Variants in ETV1 observed in about 807,000 individuals in gnomAD.
ETV1 encodes the protein ETS translocation variant 1.
A neutral mutation model predicts 62.3 loss-of-function variants in ETV1; 27 were observed. The observed-to-expected ratio is 0.43, with a 90% confidence interval of 0.32 to 0.60. ETV1 has a LOEUF of 0.60. Ranked by LOEUF, ETV1 falls within the 20% of genes least tolerant of loss-of-function variation. ETV1 has a pLI of 0.06. For synonymous variants in ETV1, 222 were observed against 199.6 expected (o/e 1.11, Z -0.94); for missense variants, 605 against 605.8 (o/e 1.00, Z 0.01).
chr7:13,933,340 C>T (rs1226276236), intron 8 of ETV1, among the ~76,000 whole-genome samples: 1 of 152,158 alleles, frequency 6.6e-6, no homozygotes, highest in Non-Finnish European at 1.5e-5. Context: ...TCTTAGGAGC[C>T]ACTGACCAAT....
At chr7:13,984,099 A>G (rs1258548766) in intron 5 of ETV1, among the ~76,000 whole-genome samples, 4 of 151,978 alleles carry the variant, frequency 2.6e-5, no homozygotes, top group African/African-American at 9.7e-5. Context: ...CAATTATCAT[A>G]TGACATATGA....
intron 6 of ETV1, among the ~76,000 whole-genome samples, chr7:13,967,486 G>T (rs1348137637): frequency 6.6e-6 from 1 of 152,052 alleles, no homozygotes; most frequent in Non-Finnish European, 1.5e-5. Context: ...AGCCATTCCT[G>T]ATATATTGCC....
In ETV1 at chr7:13,925,716, C is replaced by T. The variant is rs552859122; in HGVS notation, c.802+5786G>A. On this transcript the variant is annotated intron_variant, in intron 9 of 13. Coordinates refer to ENST00000430479, the MANE Select transcript of ETV1 (RefSeq NM_004956.5). ...GAGTAGCTGGGACTACAGGGACCCG[C>T]CACTGCGCCCGGCTAATTTTTTGTA... Among the ~76,000 whole-genome samples, 124 of 150,024 alleles carry T rather than the reference C, an allele frequency of 8.3e-4. 3 individuals carry two copies. In the South Asian group the frequency reaches 0.026, roughly 32 times the overall value.
chr7:13,984,045 T>C (rs1782271683), intron 5 of ETV1, among the ~76,000 whole-genome samples: 1 of 151,874 alleles, frequency 6.6e-6, no homozygotes, highest in Non-Finnish European at 1.5e-5. Flanking sequence ...TGCTAAGATA[T>C]CATTTCACAA....
chr7:13,967,197 A>G (rs1314786762), intron 6 of ETV1, among the ~76,000 whole-genome samples: 1 of 152,144 alleles, frequency 6.6e-6, no homozygotes, highest in Admixed American at 6.5e-5. Context: ...CTGCTACAAT[A>G]AAAGATAATT....
intron 9 of ETV1, among the ~76,000 whole-genome samples, chr7:13,916,015 TG>T (rs879256757): frequency 0.022 from 3,299 of 150,802 alleles, 69 homozygotes; most frequent in Middle Eastern, 0.07. Flanking sequence ...CTGAACTGGA[TG>T]CGAATGTAAC....
intron 9 of ETV1, among the ~76,000 whole-genome samples, chr7:13,918,002 A>G (rs1056625296): frequency 1.3e-5 from 2 of 152,056 alleles, no homozygotes; most frequent in Non-Finnish European, 2.9e-5. Flanking sequence ...ATGATACAGG[A>G]TGCCATTAGC....
chr7:13,990,365 A>G (rs1226123692), upstream of ETV1: 1 of 152,270 alleles, frequency 6.6e-6, no homozygotes, highest in Non-Finnish European at 1.5e-5. Flanking sequence ...ATGGGAGGAC[A>G]ACAGAGCAAG....
intron 9 of ETV1, among the ~76,000 whole-genome samples, chr7:13,917,754 G>A (rs1784347721): frequency 1.3e-5 from 2 of 152,050 alleles, no homozygotes; most frequent in Non-Finnish European, 2.9e-5. Flanking sequence ...CATGAGGTCA[G>A]GAGATCGAGA....
chr7:13,919,108 C>A (rs1231095136), intron 9 of ETV1, among the ~76,000 whole-genome samples: 3 of 152,074 alleles, frequency 2.0e-5, no homozygotes, highest in Non-Finnish European at 4.4e-5. Flanking sequence ...GCCTGCACCC[C>A]TATTATGTGC....
intron 11 of ETV1, among the ~76,000 whole-genome samples, chr7:13,907,634 G>A (rs1046514138): frequency 6.6e-6 from 1 of 152,054 alleles, no homozygotes; most frequent in Non-Finnish European, 1.5e-5. Context: ...GCTCACATTG[G>A]GGATTGAGTG....
intron 6 of ETV1, among the ~76,000 whole-genome samples, chr7:13,975,562 C>CAAAAAAAAAA (rs765452116): frequency 4.9e-5 from 2 of 41,036 alleles, no homozygotes; most frequent in African/African-American, 8.8e-5. Flanking sequence ...GACTCTGTCT[C>CAAAAAAAAAA]AAAAAAAAAA....
intron 6 of ETV1, among the ~76,000 whole-genome samples, chr7:13,948,572 T>A (rs985763378): frequency 1.3e-5 from 2 of 152,204 alleles, no homozygotes; most frequent in African/African-American, 2.4e-5. Flanking sequence ...CACCTGTTTT[T>A]GTAAATGAAG....
At chr7:13,922,499 C>G (rs1396151337) in intron 9 of ETV1, among the ~76,000 whole-genome samples, 1 of 152,158 alleles carries the variant, frequency 6.6e-6, no homozygotes, top group Non-Finnish European at 1.5e-5. Context: ...GTAATCCCAA[C>G]TACAGTGAGG....
At chr7:13,963,124 C>G (rs1790384315) in intron 6 of ETV1, among the ~76,000 whole-genome samples, 1 of 152,084 alleles carries the variant, frequency 6.6e-6, no homozygotes, top group Non-Finnish European at 1.5e-5. Context: ...CCCAAGGTAA[C>G]TGTGAGAATC....
At chr7:13,936,937 G>T (rs895118106) in intron 7 of ETV1, among the ~76,000 whole-genome samples, 10 of 152,054 alleles carry the variant, frequency 6.6e-5, no homozygotes, top group Non-Finnish European at 7.4e-5. Flanking sequence ...AGATATTCAC[G>T]AGACTGAGGT....
At chr7:13,984,331 A>T (rs1045761640) in intron 5 of ETV1, among the ~76,000 whole-genome samples, 1 of 152,056 alleles carries the variant, frequency 6.6e-6, no homozygotes, top group Non-Finnish European at 1.5e-5. Flanking sequence ...TAATTTCTGG[A>T]TGTCCAGAAA....
intron 5 of ETV1, among the ~76,000 whole-genome samples, chr7:13,983,605 T>C (rs1024142893): frequency 7.2e-6 from 1 of 139,680 alleles, no homozygotes; most frequent in Non-Finnish European, 1.5e-5. Context: ...CATTTTAAAA[T>C]TGGCATATTC....
chr7:13,924,977 A>G (rs949310863), intron 9 of ETV1, among the ~76,000 whole-genome samples: 2 of 152,230 alleles, frequency 1.3e-5, no homozygotes, highest in African/African-American at 4.8e-5. Flanking sequence ...CATGAGTAGC[A>G]GCAGGAGTGG....
Sources: allele counts gnomAD v4.1 joint callset (sites outside exome capture counted in the v4.1 genomes callset), GRCh38; gene constraint gnomAD v4.1.1; transcripts MANE v1.5; gene names NCBI Gene and HGNC (gene_info 2026-07-23, HGNC 2026-07-21).